Variants in EHD1 observed in about 807,000 individuals in gnomAD.
EHD1 encodes the protein EH domain-containing protein 1.
In EHD1, 19 loss-of-function variants were observed where a neutral mutation model predicts 39.0. The observed-to-expected ratio is 0.49, with a 90% confidence interval of 0.34 to 0.72. EHD1 has a LOEUF of 0.72. Among genes scored for constraint, EHD1 ranks in the 30% least tolerant of loss-of-function variants. The pLI is 0.01. For missense variants in EHD1, 542 were observed against 751.5 expected, an observed-to-expected ratio of 0.72 and a Z score of 3.26; for synonymous variants, 323 against 331.2, an observed-to-expected ratio of 0.98 and a Z score of 0.27.
intron 2 of EHD1, among the ~76,000 whole-genome samples, chr11:64,869,406 C>T (rs997300629): frequency 1.3e-5 from 2 of 152,238 alleles, no homozygotes; most frequent in African/African-American, 2.4e-5. Flanking sequence ...TGGAACCCAA[C>T]GGGAAACCCC....
chr11:64,865,504 G>C (rs1232177426), intron 2 of EHD1, among the ~76,000 whole-genome samples: 2 of 152,242 alleles, frequency 1.3e-5, no homozygotes, highest in Non-Finnish European at 2.9e-5. Flanking sequence ...CAGTGGGAGT[G>C]ACAGAACTGA....
rs1943620277 is a variant in EHD1 at position 64,854,382 on chromosome 11, G to T, written c.1556C>A (p.Ala519Asp). The change falls in exon 5 of 5, where the codon GCC (alanine) becomes GAC (aspartate). Residue 519 changes from alanine (A) to aspartate (D), a missense_variant. Ala to Asp is a moderately radical substitution (Grantham distance 126). Coordinates refer to ENST00000320631, the MANE Select transcript of EHD1 (RefSeq NM_006795.4). The stretch of plus-strand genomic sequence containing the variant: ...CGGCACCAGGTGCGGGGGCAGGTCG[G>T]CGGGCAGCTCGTGGCCCTCCAGCTT... Reference protein sequence around the residue: ...KVKLEGHELPADLPPHLVPPS... With the variant: ...KVKLEGHELPDDLPPHLVPPS... The T allele has an allele frequency of 8.1e-6, 13 of 1,613,396 alleles. No homozygotes were observed. The highest frequency in any genetic ancestry group is 1.1e-5 in the Non-Finnish European group (13 of 1,179,848).
intron 1 of EHD1, among the ~76,000 whole-genome samples, chr11:64,875,406 C>T (rs1403827598): frequency 6.6e-6 from 1 of 152,152 alleles, no homozygotes; most frequent in Non-Finnish European, 1.5e-5. Context: ...GAAAAATTAG[C>T]TGGGCATGGT....
At position 64,853,535 on chromosome 11, in the gene EHD1, C is replaced by G. The variant is rs559727898; in HGVS notation, c.*798G>C. 2 of 152,744 alleles carry G rather than the reference C, an allele frequency of 1.3e-5. No individual in the cohort carries two copies. The highest frequency in any genetic ancestry group is 4.8e-5 in the African/African-American group (2 of 41,598). 9.5% of individuals were successfully genotyped at this position (152,744 alleles called of 1,614,324 possible). Reference sequence around the variant, plus strand: ...CCCCCTGGGCAGGGCTGCTCCTTGGCTGGAGGGTGGGAAGGGGAGACAAAA... The same window carrying G: ...CCCCCTGGGCAGGGCTGCTCCTTGGGTGGAGGGTGGGAAGGGGAGACAAAA... On this transcript the variant is annotated 3_prime_UTR_variant, in exon 5 of 5. Coordinates refer to ENST00000320631, the MANE Select transcript of EHD1 (RefSeq NM_006795.4).
At chr11:64,858,642 G>A (rs1277633565) in intron 3 of EHD1, among the ~76,000 whole-genome samples, 1 of 152,206 alleles carries the variant, frequency 6.6e-6, no homozygotes, top group Non-Finnish European at 1.5e-5. Context: ...AACCACAGCC[G>A]GGACTGTCAC....
chr11:64,863,158 T>C (rs2136485077), intron 2 of EHD1, among the ~76,000 whole-genome samples: 1 of 152,132 alleles, frequency 6.6e-6, no homozygotes, highest in East Asian at 1.9e-4. Context: ...GCAGTCAGGC[T>C]CCGGAAAAGA....
chr11:64,878,537 G>GCGGGGCCGGC lies in EHD1; in HGVS notation c.-83_-74dup, dbSNP rs1471693859. The GCGGGGCCGGC allele has an allele frequency of 1.5e-5, 23 of 1,491,574 alleles. No individual in the cohort carries two copies. The highest frequency in any genetic ancestry group is 2.0e-5 in the Non-Finnish European group (23 of 1,124,670). 92.4% of individuals were successfully genotyped at this position (1,491,574 alleles called of 1,614,324 possible). On this transcript the variant is annotated 5_prime_UTR_variant, in exon 1 of 5. Transcript: ENST00000320631. ...AGCGGGGCGAGGGTGCGGAGCCGAG[G>GCGGGGCCGGC]CGGGGCCGGCCGGGGCAGGGAATCG...
upstream of EHD1, chr11:64,879,053 G>A: frequency 1.0e-6 from 1 of 999,654 alleles, no homozygotes; most frequent in Non-Finnish European, 1.2e-6. Flanking sequence ...TCCTCCAGCT[G>A]GCTCGGAATC....
chr11:64,874,413 C>A lies in EHD1; in HGVS notation c.502+8G>T. 6.3e-7 allele frequency: 1 copy of A among 1,586,486 alleles called. No individual in the cohort carries two copies. Among genetic ancestry groups the A allele is most frequent in the Non-Finnish European group, 8.6e-7 (1 of 1,166,408 alleles). On this transcript the variant is annotated splice_region_variant and intron_variant, in intron 2 of 4. Coordinates refer to ENST00000320631, the MANE Select transcript of EHD1 (RefSeq NM_006795.4). ...CCAGCAGCCCGAGCTGTGGTCACAG[C>A]TGTTTACCTCTGCTGATCCGCTGCT...
At chr11:64,878,685 G>T, upstream of EHD1, 1 of 1,354,838 alleles carries the variant, frequency 7.4e-7, no homozygotes, top group South Asian at 1.9e-5. Context: ...TAGCGCCGCC[G>T]CGGCGGGGGC....
rs754955045 is a variant in EHD1 at position 64,855,332 on chromosome 11, C to T, written c.1070G>A (p.Arg357His). The T allele has an allele frequency of 2.4e-5, 39 of 1,613,722 alleles. No homozygotes were observed. Among genetic ancestry groups the T allele is most frequent in the Middle Eastern group, 1.7e-4 (1 of 5,966 alleles). The change falls in exon 4 of 5, where the codon CGC becomes CAC. Residue 357 changes from arginine to histidine, a missense_variant. Arg to His is a conservative substitution (Grantham distance 29). Transcript: ENST00000320631. ...TCGGGACAGCCGTACCTGCATCTTG[C>T]GGAGGCTCGGGAAGTCCCCAGGGGA... The part of the protein sequence containing the change: ...QISPGDFPSL[R>H]KMQELLQTQD...
intron 1 of EHD1, 70 bp downstream of exon 1, chr11:64,877,991 G>A: frequency 1.4e-6 from 2 of 1,420,184 alleles, no homozygotes; most frequent in Non-Finnish European, 1.8e-6. Flanking sequence ...ACAGCCACGG[G>A]AGGGTCAGGC....
At chr11:64,878,891 G>A (rs529656546), upstream of EHD1, 3,357 of 1,044,490 alleles carry the variant, frequency 3.2e-3, 12 homozygotes, top group Non-Finnish European at 3.6e-3. Flanking sequence ...TTAGGAAGGC[G>A]AGGAGCGGGC....
chr11:64,854,057 G>A lies in EHD1; in HGVS notation c.*276C>T, dbSNP rs927394028. On this transcript the variant is annotated 3_prime_UTR_variant, in exon 5 of 5. Coordinates refer to ENST00000320631, the MANE Select transcript of EHD1 (RefSeq NM_006795.4). ...GGGGGGCAGAGGCCGTGCACACAGG[G>A]CTGGCACACAGGGGAGGCGGCGACA... 3.6e-6 allele frequency: 2 copies of A among 551,780 alleles called. No homozygotes were observed. The highest frequency in any genetic ancestry group is 6.3e-6 in the Non-Finnish European group (2 of 316,982). 34.2% of individuals were successfully genotyped at this position (551,780 alleles called of 1,614,324 possible).
chr11:64,857,018 C>T (rs768753858), intron 3 of EHD1, among the ~76,000 whole-genome samples: 2 of 152,238 alleles, frequency 1.3e-5, no homozygotes, highest in Non-Finnish European at 2.9e-5. Flanking sequence ...CCCCTCAGCT[C>T]AGGACGTCCT....
rs369314193 is a variant in EHD1 at position 64,855,369 on chromosome 11, C to G, written c.1033G>C (p.Glu345Gln). 6.2e-7 allele frequency: 1 copy of G among 1,614,152 alleles called. No individual in the cohort carries two copies. Among genetic ancestry groups the G allele is most frequent in the Admixed American group, 1.7e-5 (1 of 60,030 alleles). The change falls in exon 4 of 5, where the codon GAG (glutamate) becomes CAG (glutamine). Residue 345 changes from glutamate (E) to glutamine (Q), a missense_variant. By Grantham distance (29) the Glu-to-Gln change is conservative. Transcript: ENST00000320631. ...LGEIYQKIER[E>Q]HQISPGDFPS... ...AAGTCCCCAGGGGAGATCTGGTGCTCGCGCTCAATCTTCTGGTAGATCTCT... is the reference window on the plus strand; with the variant it reads ...AAGTCCCCAGGGGAGATCTGGTGCTGGCGCTCAATCTTCTGGTAGATCTCT...
At chr11:64,864,620 A>AGGCGAT (rs1257808112) in intron 2 of EHD1, among the ~76,000 whole-genome samples, 1 of 152,200 alleles carries the variant, frequency 6.6e-6, no homozygotes, top group Non-Finnish European at 1.5e-5. Flanking sequence ...AGTACTGAAA[A>AGGCGAT]GGCGATGACT....
chr11:64,878,767 C>G (rs902268849), upstream of EHD1: 2 of 1,275,942 alleles, frequency 1.6e-6, no homozygotes, highest in African/African-American at 1.6e-5. Context: ...ACGTCTTCCC[C>G]TACCCCGCCC....
chr11:64,870,703 G>A (rs1303818608), intron 2 of EHD1, among the ~76,000 whole-genome samples: 4 of 152,332 alleles, frequency 2.6e-5, no homozygotes, highest in South Asian at 2.1e-4. Flanking sequence ...GGGATGACTC[G>A]GCATGAGGCA....
Sources: allele counts gnomAD v4.1 joint callset (sites outside exome capture counted in the v4.1 genomes callset), GRCh38; gene constraint gnomAD v4.1.1; transcripts MANE v1.5; gene names NCBI Gene and HGNC (gene_info 2026-07-23, HGNC 2026-07-21).